BRINP1: variants seen among roughly 807,000 people sequenced by gnomAD.
The protein encoded by BRINP1 is BMP/retinoic acid inducible neural specific 1, also known as BMP/retinoic acid-inducible neural-specific protein 1.
Under a neutral mutation model 72.9 loss-of-function variants are expected in BRINP1, and 17 were observed. The ratio of observed to expected loss-of-function variants is 0.23; its 90% CI spans 0.16 to 0.35. The LOEUF is 0.35. BRINP1 is among the 10% of genes least tolerant of loss of function. The pLI is 1.00. For synonymous variants in BRINP1, 418 were observed against 378.5 expected (o/e 1.10, Z -1.21); for missense variants, 850 against 1,001.6 (o/e 0.85, Z 2.04).
intron 1 of BRINP1, among the ~76,000 whole-genome samples, chr9:119,356,896 G>A (rs1363624737): frequency 6.6e-6 from 1 of 152,000 alleles, no homozygotes; most frequent in Admixed American, 6.5e-5. Flanking sequence ...CCAATGCTGT[G>A]TGACAGTGTT....
chr9:119,326,809 C>A (rs1298688498), intron 1 of BRINP1, among the ~76,000 whole-genome samples: 1 of 152,104 alleles, frequency 6.6e-6, no homozygotes, highest in East Asian at 1.9e-4. Context: ...AATAACAGAG[C>A]AAAGACAGGA....
intron 7 of BRINP1, among the ~76,000 whole-genome samples, chr9:119,191,055 T>C (rs747455403): frequency 6.6e-6 from 1 of 151,914 alleles, no homozygotes. Flanking sequence ...CCTCAATTGA[T>C]ACAGAAAAAA....
chr9:119,261,735 C>T (rs1201642416), intron 2 of BRINP1, among the ~76,000 whole-genome samples: 1 of 152,058 alleles, frequency 6.6e-6, no homozygotes, highest in African/African-American at 2.4e-5. Flanking sequence ...AAGAATAATA[C>T]TCTTTTCTAC....
chr9:119,350,485 T>G (rs532205681), intron 1 of BRINP1, among the ~76,000 whole-genome samples: 4 of 152,318 alleles, frequency 2.6e-5, no homozygotes, highest in African/African-American at 9.6e-5. Flanking sequence ...CACATTCCCC[T>G]GGTCCCTAAG....
intron 1 of BRINP1, among the ~76,000 whole-genome samples, chr9:119,356,484 T>C (rs1831567090): frequency 6.6e-6 from 1 of 152,174 alleles, no homozygotes; most frequent in Non-Finnish European, 1.5e-5. Flanking sequence ...AAAAAGCATC[T>C]GGCAAAGGAT....
chr9:119,367,220 T>TTATATATATATATATATATA (rs1564259751), intron 1 of BRINP1, among the ~76,000 whole-genome samples: 9 of 44,784 alleles, frequency 2.0e-4, no homozygotes, highest in South Asian at 4.3e-3. Context: ...TGTGTGTGAT[T>TTATATATATATATATATATA]GATATATATA....
At chr9:119,245,324 T>C (rs2118915475) in intron 3 of BRINP1, among the ~76,000 whole-genome samples, 1 of 152,326 alleles carries the variant, frequency 6.6e-6, no homozygotes, top group Non-Finnish European at 1.5e-5. Context: ...ATAGGCTTTG[T>C]GAACATCTGT....
intron 5 of BRINP1, among the ~76,000 whole-genome samples, chr9:119,218,048 T>C (rs1829997677): frequency 6.6e-6 from 1 of 152,026 alleles, no homozygotes; most frequent in South Asian, 2.1e-4. Context: ...AATTATCTTT[T>C]GAATTTGTTT....
chr9:119,242,603 A>G (rs1044684866), intron 3 of BRINP1, among the ~76,000 whole-genome samples: 1 of 152,100 alleles, frequency 6.6e-6, no homozygotes, highest in Non-Finnish European at 1.5e-5. Flanking sequence ...TCTCCTCATT[A>G]TCATGCAGTT....
rs144082263 is a variant in BRINP1, at chr9:119,221,458, G to A, written c.686-7303C>T. Reference sequence around the variant, plus strand: ...ATTGCTGTGAATTACAGTATCCATCGCTGACAGCTCATTGGAGTGGAATGA... The same window carrying A: ...ATTGCTGTGAATTACAGTATCCATCACTGACAGCTCATTGGAGTGGAATGA... On this transcript the variant is annotated intron_variant, in intron 5 of 7. Transcript: ENST00000265922. 1.7e-4 allele frequency among the ~76,000 whole-genome samples: 26 copies of A among 152,132 alleles called. No homozygotes were observed. In the East Asian group the frequency reaches 4.3e-3, roughly 25 times the overall value.
At chr9:119,285,792 T>A (rs1192873794) in intron 2 of BRINP1, among the ~76,000 whole-genome samples, 1 of 152,162 alleles carries the variant, frequency 6.6e-6, no homozygotes, top group Non-Finnish European at 1.5e-5. Context: ...GTATCTGGTA[T>A]CATTCAGGAA....
chr9:119,336,579 G>A (rs563267913), intron 1 of BRINP1, among the ~76,000 whole-genome samples: 1 of 152,268 alleles, frequency 6.6e-6, no homozygotes, highest in Admixed American at 6.5e-5. Flanking sequence ...TGTGTGCTGG[G>A]GAGCAGAGGG....
At chr9:119,336,819 A>G (rs1489455831) in intron 1 of BRINP1, among the ~76,000 whole-genome samples, 3 of 152,010 alleles carry the variant, frequency 2.0e-5, no homozygotes, top group African/African-American at 7.3e-5. Flanking sequence ...ACAGAATGGG[A>G]GAGAGAAGAG....
chr9:119,341,164 T>A (rs1448827179), intron 1 of BRINP1, among the ~76,000 whole-genome samples: 2 of 152,130 alleles, frequency 1.3e-5, no homozygotes, highest in East Asian at 3.9e-4. Flanking sequence ...ATTATTAAAG[T>A]TAAGGAATGC....
intron 7 of BRINP1, among the ~76,000 whole-genome samples, chr9:119,169,163 C>T (rs966376686): frequency 5.3e-5 from 8 of 152,258 alleles, no homozygotes; most frequent in African/African-American, 2.4e-5. Context: ...CAGTCTACAG[C>T]TCCCAGCGTG....
chr9:119,170,356 C>A (rs1204568653), intron 7 of BRINP1, among the ~76,000 whole-genome samples: 1 of 150,978 alleles, frequency 6.6e-6, no homozygotes, highest in Non-Finnish European at 1.5e-5. Context: ...GGAGCCGATG[C>A]GATCAACTGG....
intron 1 of BRINP1, among the ~76,000 whole-genome samples, chr9:119,329,453 G>A (rs562123439): frequency 6.6e-6 from 1 of 152,302 alleles, no homozygotes; most frequent in East Asian, 1.9e-4. Flanking sequence ...TAGAATCCAA[G>A]AAAGAAGGCA....
intron 2 of BRINP1, among the ~76,000 whole-genome samples, chr9:119,279,768 T>C (rs1177745217): frequency 6.6e-6 from 1 of 152,200 alleles, no homozygotes; most frequent in African/African-American, 2.4e-5. Flanking sequence ...CATGAAATAT[T>C]GTCAAAGGAA....
chr9:119,339,497 A>G (rs1290182699), intron 1 of BRINP1, among the ~76,000 whole-genome samples: 2 of 152,238 alleles, frequency 1.3e-5, no homozygotes, highest in African/African-American at 2.4e-5. Context: ...CAATTCCTAG[A>G]ACAATGCCTA....
Sources: gnomAD v4.1 joint callset for allele counts (sites outside exome capture counted in the v4.1 genomes callset) on GRCh38, gnomAD v4.1.1 for gene constraint, MANE v1.5 for transcripts, NCBI Gene and HGNC (gene_info 2026-07-23, HGNC 2026-07-21) for gene names.